Variants in ASPSCR1 observed in about 807,000 individuals in gnomAD.
ASPSCR1 encodes the protein tether containing UBX domain for GLUT4.
In ASPSCR1, 55 loss-of-function variants were observed where a neutral mutation model predicts 68.9. That is an observed-to-expected ratio of 0.80 (90% confidence interval 0.64 to 1.00). ASPSCR1 has a LOEUF of 1.00. Among genes scored for constraint, ASPSCR1 ranks in the 50% least tolerant of loss-of-function variants. ASPSCR1 has a pLI of 0.00. For missense variants in ASPSCR1, 765 were observed against 762.2 expected, an observed-to-expected ratio of 1.00 and a Z score of -0.04; for synonymous variants, 352 against 332.6, an observed-to-expected ratio of 1.06 and a Z score of -0.63.
rs1440213740 is a variant in ASPSCR1 at position 81,983,284 on chromosome 17, G to C, written c.159-270G>C. ...CTGCACTGGGGCTGTCAGCACCCCA[G>C]ACTCTGAAGGAGCAGCCCCCTCGGC... On this transcript the variant is annotated intron_variant, in intron 2 of 15. Coordinates refer to ENST00000306739, the MANE Select transcript of ASPSCR1 (RefSeq NM_024083.4). This position sits in a 1 kb window ranked among gnomAD's most constrained non-coding sequence, Gnocchi z 4.4. Among the ~76,000 whole-genome samples, 1 of 152,170 alleles carries C rather than the reference G, an allele frequency of 6.6e-6. No individual in the cohort carries two copies. Among genetic ancestry groups the C allele is most frequent in the Non-Finnish European group, 1.5e-5 (1 of 68,036 alleles).
At chr17:82,010,354 C>T (rs982078447) in intron 9 of ASPSCR1, among the ~76,000 whole-genome samples, 3 of 151,268 alleles carry the variant, frequency 2.0e-5, no homozygotes, top group African/African-American at 7.3e-5. Context: ...ACGGTGAAAC[C>T]CCATCTCTAC....
Position 82,010,882 on chromosome 17 carries a change from TG to T in ASPSCR1, c.1237+18del. The T allele has an allele frequency of 6.2e-7, 1 of 1,602,150 alleles. No homozygotes were observed. On this transcript the variant is annotated intron_variant, in intron 10 of 15. Transcript: ENST00000306739. ...CCAGCGAGACAGGTGGGCAGCGCTG[TG>T]GGGTGTCCGGGGATGGGGGGCAGGG...
Position 81,979,277 on chromosome 17 carries a change from A to G in ASPSCR1, c.158+38A>G, listed in dbSNP as rs768309316. 4 of 1,600,126 alleles carry G rather than the reference A, an allele frequency of 2.5e-6. No homozygotes were observed. In the African/African-American group the frequency reaches 5.4e-5, roughly 21 times the overall value. ...CAGCTCAGCAGCAGGGTCTGAGTAT[A>G]TCTGTGCCCCTGCCCCCTGAACATA... On this transcript the variant is annotated intron_variant, in intron 2 of 15. Coordinates refer to ENST00000306739, the MANE Select transcript of ASPSCR1 (RefSeq NM_024083.4).
In ASPSCR1 at chr17:81,994,837, C is replaced by A. The variant is rs752745576; in HGVS notation, c.391C>A (p.Pro131Thr). ...TCCTCCCAGGGAGTGCCTGCAGCAC[C>A]CCGGCGGGGCCACCCCAGTCTGCGT... ...FPQIRECLQH[P>T]GGATPVCVYT... Residue 131 changes from proline to threonine, a missense_variant, in exon 5 of 16, where the codon CCC becomes ACC. Transcript: ENST00000306739. 23 of 1,613,228 alleles carry A rather than the reference C, an allele frequency of 1.4e-5. No homozygotes were observed. The highest frequency in any genetic ancestry group is 5.1e-6 in the Non-Finnish European group (6 of 1,179,936).
rs192423465 is a variant in ASPSCR1, at chr17:81,989,936, C to T, written c.374+4329C>T. Among the ~76,000 whole-genome samples, 319 of 152,338 alleles carry T rather than the reference C, an allele frequency of 2.1e-3. 13 individuals carry two copies. Among genetic ancestry groups the T allele is most frequent in the Admixed American group, 0.02 (310 of 15,300 alleles). ...CTGAGTAGCTGGGATTACTGGCGCA[C>T]GCCATCACGCCTGGCTAATTTTTGT... On this transcript the variant is annotated intron_variant, in intron 4 of 15. Coordinates refer to ENST00000306739, the MANE Select transcript of ASPSCR1 (RefSeq NM_024083.4).
chr17:82,003,127 C>T (rs1420577401), intron 7 of ASPSCR1, among the ~76,000 whole-genome samples: 2 of 152,118 alleles, frequency 1.3e-5, no homozygotes, highest in Non-Finnish European at 2.9e-5. Flanking sequence ...GCATTACAGG[C>T]GTGAGCCACC....
intron 7 of ASPSCR1, 56 bp downstream of exon 7, chr17:81,996,902 C>T (rs1391301928): frequency 2.0e-6 from 3 of 1,521,996 alleles, no homozygotes; most frequent in Non-Finnish European, 2.6e-6. Flanking sequence ...TGATGTGTAG[C>T]CCTGCGTGGC....
intron 7 of ASPSCR1, among the ~76,000 whole-genome samples, chr17:81,997,077 T>C (rs7222219): frequency 3.6e-5 from 2 of 55,638 alleles, no homozygotes; most frequent in African/African-American, 9.3e-5. Flanking sequence ...AGACGGTGGC[T>C]GTGTCTGCTC....
chr17:81,991,305 G>T (rs2042154019), intron 4 of ASPSCR1, among the ~76,000 whole-genome samples: 1 of 152,194 alleles, frequency 6.6e-6, no homozygotes. Flanking sequence ...CCAGCCCTCT[G>T]CTCCCAGCCT....
At chr17:81,993,991 G>A (rs185101157) in intron 4 of ASPSCR1, among the ~76,000 whole-genome samples, 64 of 152,368 alleles carry the variant, frequency 4.2e-4, no homozygotes, top group Admixed American at 2.9e-3. Context: ...GGCCTGAGAA[G>A]GGCTTTTGTT....
chr17:82,015,803 C>T, intron 12 of ASPSCR1: 1 of 209,006 alleles, frequency 4.8e-6, no homozygotes, highest in Non-Finnish European at 9.7e-6. Flanking sequence ...CAGCTTCCGG[C>T]GCCTCTCCAG....
rs1326826547 is a variant in ASPSCR1, at chr17:82,016,807, C to CCTGGA, written c.1414_1418dup (p.Glu473AspfsTer65). The CCTGGA allele has an allele frequency of 6.2e-7, 1 of 1,610,130 alleles. No homozygotes were observed. Among genetic ancestry groups the CCTGGA allele is most frequent in the Non-Finnish European group, 8.5e-7 (1 of 1,179,876 alleles). ...GCTTGGGCCTCCCTGCAGGTGTCTA[C>CCTGGA]CTGGAGCCTGGCCTGCTGGAGCATG... is the stretch of plus-strand genomic sequence containing the variant. On this transcript the variant is annotated frameshift_variant, in exon 14 of 16. Coordinates refer to ENST00000306739, the MANE Select transcript of ASPSCR1 (RefSeq NM_024083.4). LOFTEE classifies it high-confidence loss of function.
chr17:82,006,509 T>A (rs2144077627), intron 7 of ASPSCR1: 1 of 152,294 alleles, frequency 6.6e-6, no homozygotes, highest in East Asian at 1.9e-4. Flanking sequence ...AAATAAGAAA[T>A]TGAGGGGAAA....
chr17:82,003,378 A>T (rs2042601893), intron 7 of ASPSCR1, among the ~76,000 whole-genome samples: 1 of 152,160 alleles, frequency 6.6e-6, no homozygotes, highest in Non-Finnish European at 1.5e-5. Flanking sequence ...AGCCTGAGAG[A>T]TCAAGACTGC....
At chr17:82,010,669 G>A (rs2042906508) in intron 9 of ASPSCR1, 133 bp from the exon 10 acceptor site, 1 of 906,724 alleles carries the variant, frequency 1.1e-6, no homozygotes, top group Non-Finnish European at 1.8e-6. Context: ...CCCAGGCCCT[G>A]ATTGGGGGTG....
intron 12 of ASPSCR1, chr17:82,016,167 C>G (rs2043118650): frequency 1.0e-5 from 4 of 392,694 alleles, no homozygotes; most frequent in Non-Finnish European, 1.9e-5. Flanking sequence ...CCACCTTCCT[C>G]GGGTGCAGAG....
In ASPSCR1 at chr17:81,983,463, G is replaced by A. The variant is rs1044704107; in HGVS notation, c.159-91G>A. 2.3e-5 allele frequency: 22 copies of A among 949,172 alleles called. No homozygotes were observed. The African/African-American group carries it at 3.8e-4, about 16-fold the overall frequency. 58.8% of individuals were successfully genotyped at this position (949,172 alleles called of 1,614,324 possible). ...TGGATGGCGGGGCGTGGATGGCGGG[G>A]CGTGGATGGTGGGACGGGGATGGCG... On this transcript the variant is annotated intron_variant, in intron 2 of 15. Coordinates refer to ENST00000306739, the MANE Select transcript of ASPSCR1 (RefSeq NM_024083.4). This position sits in a 1 kb window ranked among gnomAD's most constrained non-coding sequence, Gnocchi z 4.4.
Position 81,996,801 on chromosome 17 carries a change from G to GC in ASPSCR1, c.889dup (p.Gln297ProfsTer46), listed in dbSNP as rs1372500001. The GC allele has an allele frequency of 6.2e-7, 1 of 1,609,462 alleles. No homozygotes were observed. Among genetic ancestry groups the GC allele is most frequent in the Non-Finnish European group, 8.5e-7 (1 of 1,178,792 alleles). On this transcript the variant is annotated frameshift_variant, in exon 7 of 16. Transcript: ENST00000306739. LOFTEE classifies it high-confidence loss of function. ...GCCAGGATCCCCAGCAGGAGCAGGA[G>GC]CAGGAGCGGGAGCGGGATCCCCAGC...
intron 2 of ASPSCR1, among the ~76,000 whole-genome samples, chr17:81,979,818 C>T (rs906048140): frequency 5.3e-5 from 8 of 152,168 alleles, no homozygotes; most frequent in East Asian, 3.8e-4. Flanking sequence ...TGGAATTACA[C>T]GTACGCTTCT....
Sources: gnomAD v4.1 joint callset for allele counts (sites outside exome capture counted in the v4.1 genomes callset) on GRCh38, gnomAD v4.1.1 for gene constraint, Gnocchi (gnomAD v3.1) non-coding constraint, MANE v1.5 for transcripts, NCBI Gene and HGNC (gene_info 2026-07-23, HGNC 2026-07-21) for gene names.